The following MIA2 variants were observed in gnomAD, a reference collection of about 807,000 sequenced individuals.
MIA2 encodes melanoma inhibitory activity protein 2.
MIA2 carries 127 observed loss-of-function variants against 167.8 expected under a neutral mutation model. That is an observed-to-expected ratio of 0.76 (90% CI 0.66 to 0.88). The LOEUF is 0.88. Among genes scored for constraint, MIA2 ranks in the 40% least tolerant of loss-of-function variants. The pLI is 0.00. For synonymous variants in MIA2, 552 were observed against 541.9 expected, an observed-to-expected ratio of 1.02 and a Z score of -0.26; for missense variants, 1,690 against 1,624.7, an observed-to-expected ratio of 1.04 and a Z score of -0.69.
At chr14:39,380,620 G>C (rs1229455486) in intron 23 of MIA2, among the ~76,000 whole-genome samples, 1 of 150,960 alleles carries the variant, frequency 6.6e-6, no homozygotes, top group African/African-American at 2.4e-5. Flanking sequence ...TTGAACCCGG[G>C]AGGCGGAGGT....
chr14:39,292,495 A>G (rs2152829064), intron 10 of MIA2, among the ~76,000 whole-genome samples: 1 of 152,364 alleles, frequency 6.6e-6, no homozygotes, highest in African/African-American at 2.4e-5. Context: ...GAATCTGTAG[A>G]TAAAATCAAA....
chr14:39,385,810 C>T (rs2075264113), intron 23 of MIA2: 4 of 902,722 alleles, frequency 4.4e-6, no homozygotes, highest in South Asian at 2.6e-5. Flanking sequence ...CTCAGTGCTT[C>T]TATTTACAAC....
intron 26 of MIA2, 65 bp from the exon 27 acceptor site, chr14:39,347,648 C>T (rs2073596812): frequency 3.3e-6 from 5 of 1,537,282 alleles, no homozygotes; most frequent in East Asian, 2.3e-5. Context: ...ATTTTGTGAT[C>T]TGGAGATACT....
At chr14:39,339,054 A>C (rs539307896) in intron 25 of MIA2, among the ~76,000 whole-genome samples, 1 of 152,274 alleles carries the variant, frequency 6.6e-6, no homozygotes, top group East Asian at 1.9e-4. Flanking sequence ...TCGGGATGAA[A>C]GTGTTCACTT....
intron 1 of MIA2, among the ~76,000 whole-genome samples, 200 bp from the exon 2 acceptor site, chr14:39,236,722 C>T (rs1425966036): frequency 1.3e-5 from 2 of 152,124 alleles, no homozygotes; most frequent in African/African-American, 4.8e-5. Flanking sequence ...AGGTTATGGA[C>T]AGCCTTGGAT....
At chr14:39,252,638 TC>T in intron 4 of MIA2, 109 bp from the exon 5 acceptor site, 1 of 706,160 alleles carries the variant, frequency 1.4e-6, no homozygotes, top group Non-Finnish European at 2.4e-6. Flanking sequence ...TAACGAAGTA[TC>T]ATAATGACCT....
chr14:39,372,657 A>G (rs1205521832), intron 23 of MIA2, among the ~76,000 whole-genome samples: 1 of 152,242 alleles, frequency 6.6e-6, no homozygotes, highest in African/African-American at 2.4e-5. Context: ...CAGAATTTTA[A>G]AAAGGATATT....
intron 6 of MIA2, chr14:39,266,238 T>TG (rs1479594848): frequency 1.0e-6 from 1 of 985,328 alleles, no homozygotes; most frequent in Non-Finnish European, 1.2e-6. Context: ...ATAATGAGAA[T>TG]GATCATGCTG....
chr14:39,269,275 A>G (rs1350939925), intron 6 of MIA2, among the ~76,000 whole-genome samples: 1 of 151,876 alleles, frequency 6.6e-6, no homozygotes, highest in African/African-American at 2.4e-5. Flanking sequence ...ATGTTATGCA[A>G]CTGTCAGCAC....
chr14:39,256,260 T>C (rs1445916262), intron 6 of MIA2, among the ~76,000 whole-genome samples: 1 of 152,130 alleles, frequency 6.6e-6, no homozygotes, highest in East Asian at 1.9e-4. Flanking sequence ...ATTCTGAGAG[T>C]TCCTGCTAGA....
intron 24 of MIA2, among the ~76,000 whole-genome samples, chr14:39,324,020 T>C (rs1235132714): frequency 2.0e-5 from 3 of 152,220 alleles, no homozygotes; most frequent in Admixed American, 2.0e-4. Context: ...TCCTTACTTT[T>C]ATTATCTTTT....
chr14:39,248,750 T>G (rs148816161), intron 4 of MIA2, among the ~76,000 whole-genome samples: 1 of 152,158 alleles, frequency 6.6e-6, no homozygotes, highest in East Asian at 1.9e-4. Flanking sequence ...GAAACTTTTT[T>G]TTTTTTCCAG....
At chr14:39,357,134 C>CT (rs749509645) in intron 23 of MIA2, among the ~76,000 whole-genome samples, 1 of 151,818 alleles carries the variant, frequency 6.6e-6, no homozygotes, top group Non-Finnish European at 1.5e-5. Flanking sequence ...GTTGATCTGT[C>CT]TAATGTTGAC....
intron 23 of MIA2, among the ~76,000 whole-genome samples, chr14:39,365,112 C>G (rs115886137): frequency 2.8e-3 from 431 of 151,830 alleles, no homozygotes; most frequent in African/African-American, 1.0e-2. Flanking sequence ...GTTGCACAGA[C>G]TGGAGTGCAG....
intron 23 of MIA2, among the ~76,000 whole-genome samples, chr14:39,360,579 A>G (rs562651554): frequency 6.6e-6 from 1 of 151,132 alleles, no homozygotes; most frequent in East Asian, 1.9e-4. Context: ...GTTTGCATAT[A>G]TTTTCTCCCA....
intron 6 of MIA2, among the ~76,000 whole-genome samples, chr14:39,268,454 C>CAA (rs11412419): frequency 6.5e-4 from 94 of 144,358 alleles, no homozygotes; most frequent in East Asian, 1.8e-3. Context: ...AGAGAGAAGA[C>CAA]AAAAAAAAAA....
chr14:39,386,367 G>T (rs2075272766), intron 23 of MIA2: 9 of 1,544,232 alleles, frequency 5.8e-6, no homozygotes, highest in Non-Finnish European at 8.1e-6. Flanking sequence ...GAGGAACTGG[G>T]ACTCTCTTTT....
At chr14:39,266,719 C>T (rs1035537874) in intron 6 of MIA2, 8 of 985,036 alleles carry the variant, frequency 8.1e-6, no homozygotes, top group South Asian at 9.4e-5. Context: ...TCGGGGCTGC[C>T]GGGGTCTCCC....
intron 6 of MIA2, among the ~76,000 whole-genome samples, chr14:39,272,424 A>G (rs1325330215): frequency 6.6e-6 from 1 of 152,200 alleles, no homozygotes; most frequent in Non-Finnish European, 1.5e-5. Context: ...GGGATCAATC[A>G]GAGGAAAGTG....
Sources: allele counts gnomAD v4.1 joint callset (sites outside exome capture counted in the v4.1 genomes callset), GRCh38; gene constraint gnomAD v4.1.1; transcripts MANE v1.5; gene names NCBI Gene and HGNC (gene_info 2026-07-23, HGNC 2026-07-21).